The following JAKMIP2 variants were observed in gnomAD, a reference collection of about 807,000 sequenced individuals.
The protein encoded by JAKMIP2 is janus kinase and microtubule-interacting protein 2.
Under a neutral mutation model 115.0 loss-of-function variants are expected in JAKMIP2, and 25 were observed. The ratio of observed to expected loss-of-function variants is 0.22; its 90% CI spans 0.16 to 0.30. JAKMIP2 has a LOEUF of 0.30. JAKMIP2 is among the 10% of genes least tolerant of loss of function. The probability of loss-of-function intolerance (pLI) is 1.00; values close to 1 mark genes in which losing one functional copy is unlikely to be tolerated. For missense variants in JAKMIP2, 642 were observed against 957.6 expected (o/e 0.67, Z 4.35); for synonymous variants, 334 against 343.6 (o/e 0.97, Z 0.31).
chr5:147,644,597 C>T (rs1758037057), intron 6 of JAKMIP2, among the ~76,000 whole-genome samples: 1 of 152,184 alleles, frequency 6.6e-6, no homozygotes. Context: ...CAAAGCTTTC[C>T]TTCTCCATTT....
chr5:147,588,152 G>A lies in JAKMIP2; in HGVS notation c.*3555C>T, dbSNP rs1754952020. 6.6e-6 allele frequency: 1 copy of A among 152,054 alleles called. No homozygotes were observed. Among genetic ancestry groups the A allele is most frequent in the Non-Finnish European group, 1.5e-5 (1 of 68,016 alleles). The allele number at this position is 152,054 out of a possible 1,614,324, so 9.4% of individuals were successfully genotyped here. Reference sequence around the variant, plus strand: ...TTTTTAAGTATGATAGTCAAAGATAGTCTCTCTATGTTTTTCCCCTCTTTC... The same window carrying A: ...TTTTTAAGTATGATAGTCAAAGATAATCTCTCTATGTTTTTCCCCTCTTTC... On this transcript the variant is annotated 3_prime_UTR_variant, in exon 22 of 22. Transcript: ENST00000616793.
chr5:147,656,566 A>C (rs1029881245), intron 3 of JAKMIP2, among the ~76,000 whole-genome samples: 2 of 151,746 alleles, frequency 1.3e-5, no homozygotes, highest in Non-Finnish European at 2.9e-5. Flanking sequence ...CTTTATTTTG[A>C]GCTTACATGT....
In JAKMIP2 at chr5:147,587,541, A is replaced by G. The variant is rs1399586040; in HGVS notation, c.*4166T>C. ...TGCTGTCCATCTATCTTGATGTAAT[A>G]TAACACAGATGATCCAATTATTTAA... On this transcript the variant is annotated 3_prime_UTR_variant, in exon 22 of 22. Transcript: ENST00000616793. 6.6e-6 allele frequency: 1 copy of G among 152,182 alleles called. No individual in the cohort carries two copies. The highest frequency in any genetic ancestry group is 1.9e-4 in the East Asian group (1 of 5,192). The allele number at this position is 152,182 out of a possible 1,614,324, so 9.4% of individuals were successfully genotyped here.
intron 1 of JAKMIP2, among the ~76,000 whole-genome samples, chr5:147,693,720 A>G (rs7727216): frequency 0.27 from 40,393 of 152,042 alleles, 6,144 homozygotes; most frequent in East Asian, 0.5. Context: ...TTTATTTTAT[A>G]GTAGATTTTT....
intron 20 of JAKMIP2, among the ~76,000 whole-genome samples, chr5:147,606,384 T>C (rs1006560523): frequency 1.3e-5 from 2 of 152,332 alleles, no homozygotes; most frequent in South Asian, 4.1e-4. Flanking sequence ...GGGGTCCAGT[T>C]TGAGTTTTCT....
rs900844626 is a variant in JAKMIP2 at position 147,782,629 on chromosome 5, C to G, written c.-322G>C. On this transcript the variant is annotated 5_prime_UTR_variant, in exon 1 of 22. Transcript: ENST00000616793. ...TGCGAATAGGAACCACCCTTCCAGCCCCACTAGAGTATCAGCAATAGAGGC... is the reference window on the plus strand; with the variant it reads ...TGCGAATAGGAACCACCCTTCCAGCGCCACTAGAGTATCAGCAATAGAGGC... 1.4e-6 allele frequency: 1 copy of G among 708,116 alleles called. No homozygotes were observed. The highest frequency in any genetic ancestry group is 1.8e-5 in the African/African-American group (1 of 56,756). The allele number at this position is 708,116 out of a possible 1,614,324, so 43.9% of individuals were successfully genotyped here.
intron 5 of JAKMIP2, among the ~76,000 whole-genome samples, chr5:147,647,205 A>C (rs1194725961): frequency 6.6e-6 from 1 of 152,104 alleles, no homozygotes; most frequent in African/African-American, 2.4e-5. Context: ...TAACTAAAAA[A>C]ATCTCTAAAT....
At chr5:147,759,258 A>C (rs1334844902) in intron 1 of JAKMIP2, among the ~76,000 whole-genome samples, 1 of 152,070 alleles carries the variant, frequency 6.6e-6, no homozygotes, top group East Asian at 1.9e-4. Flanking sequence ...AAAAAGAGAA[A>C]GGAGAAGGGG....
At chr5:147,731,014 A>G (rs1753712748) in intron 1 of JAKMIP2, among the ~76,000 whole-genome samples, 1 of 152,124 alleles carries the variant, frequency 6.6e-6, no homozygotes, top group Non-Finnish European at 1.5e-5. Flanking sequence ...AACAAATAAC[A>G]TTGAATAATT....
intron 2 of JAKMIP2, among the ~76,000 whole-genome samples, chr5:147,663,388 T>C (rs369208446): frequency 2.0e-5 from 3 of 152,164 alleles, no homozygotes; most frequent in African/African-American, 7.2e-5. Flanking sequence ...GTGAAAAGAC[T>C]AGACTCACTT....
chr5:147,617,170 T>A (rs1280540132), intron 19 of JAKMIP2, among the ~76,000 whole-genome samples: 1 of 152,146 alleles, frequency 6.6e-6, no homozygotes, highest in Non-Finnish European at 1.5e-5. Flanking sequence ...GGGTGCCTAT[T>A]TTGGACCTTG....
intron 1 of JAKMIP2, among the ~76,000 whole-genome samples, chr5:147,764,174 G>A (rs944030198): frequency 2.0e-5 from 3 of 152,168 alleles, no homozygotes; most frequent in African/African-American, 7.2e-5. Context: ...ATGGCACACA[G>A]AATTTGTTCC....
chr5:147,648,809 A>G (rs937293364), intron 4 of JAKMIP2, among the ~76,000 whole-genome samples: 6 of 152,182 alleles, frequency 3.9e-5, no homozygotes, highest in African/African-American at 1.2e-4. Context: ...ATGTGATTAC[A>G]TAAGGTTCAA....
intron 1 of JAKMIP2, among the ~76,000 whole-genome samples, chr5:147,697,584 T>C (rs867068377): frequency 6.6e-6 from 1 of 152,230 alleles, no homozygotes; most frequent in Non-Finnish European, 1.5e-5. Context: ...AGGGCCACCC[T>C]GCTGTGTGCA....
chr5:147,731,448 A>C (rs1053624763), intron 1 of JAKMIP2, among the ~76,000 whole-genome samples: 1 of 152,204 alleles, frequency 6.6e-6, no homozygotes, highest in Admixed American at 6.5e-5. Flanking sequence ...AGCCTTGGGA[A>C]TAAATGAGGA....
chr5:147,608,710 T>A (rs1383074276), intron 20 of JAKMIP2, among the ~76,000 whole-genome samples: 1 of 152,188 alleles, frequency 6.6e-6, no homozygotes, highest in African/African-American at 2.4e-5. Context: ...CAGAGCTGAG[T>A]TCAAGTCCTG....
intron 1 of JAKMIP2, among the ~76,000 whole-genome samples, chr5:147,739,340 C>T (rs1754052540): frequency 6.6e-6 from 1 of 152,118 alleles, no homozygotes; most frequent in African/African-American, 2.4e-5. Flanking sequence ...AGATTCCCCA[C>T]ACATTTATGC....
At chr5:147,669,743 G>GGAT (rs1759485220) in intron 2 of JAKMIP2, among the ~76,000 whole-genome samples, 1 of 152,164 alleles carries the variant, frequency 6.6e-6, no homozygotes, top group South Asian at 2.1e-4. Flanking sequence ...TGTCAGACCT[G>GGAT]GATGGAATCT....
chr5:147,600,664 G>T (rs1274551709), intron 21 of JAKMIP2, among the ~76,000 whole-genome samples: 1 of 152,052 alleles, frequency 6.6e-6, no homozygotes, highest in Admixed American at 6.6e-5. Flanking sequence ...GAATCACATA[G>T]CGTGCTTGTT....
Sources: gnomAD v4.1 joint callset for allele counts (sites outside exome capture counted in the v4.1 genomes callset) on GRCh38, gnomAD v4.1.1 for gene constraint, MANE v1.5 for transcripts, NCBI Gene and HGNC (gene_info 2026-07-23, HGNC 2026-07-21) for gene names.